Variants in POLN observed in about 807,000 individuals in gnomAD.
POLN encodes the protein DNA polymerase N.
Under a neutral mutation model 113.5 loss-of-function variants are expected in POLN, and 108 were observed. That is an observed-to-expected ratio of 0.95 (90% confidence interval 0.81 to 1.12). The LOEUF (loss-of-function observed/expected upper bound fraction) is 1.12, where lower values mean the gene tolerates loss of function less well. POLN is among the 50% of genes most tolerant of loss of function. The pLI, the probability that POLN is intolerant of heterozygous loss-of-function variation, is 0.00. For missense variants in POLN, 1,097 were observed against 1,077.1 expected, an observed-to-expected ratio of 1.02 and a Z score of -0.26; for synonymous variants, 386 against 391.5, an observed-to-expected ratio of 0.99 and a Z score of 0.17.
At chr4:2,119,726 A>G (rs1731398676) in intron 19 of POLN, among the ~76,000 whole-genome samples, 1 of 152,166 alleles carries the variant, frequency 6.6e-6, no homozygotes, top group African/African-American at 2.4e-5. Flanking sequence ...TTAAGAGTGT[A>G]TTTGATCTTG....
At chr4:2,138,836 G>A (rs1049429386) in intron 16 of POLN, among the ~76,000 whole-genome samples, 2 of 151,984 alleles carry the variant, frequency 1.3e-5, no homozygotes, top group Non-Finnish European at 2.9e-5. Context: ...AGAGGTTACA[G>A]TGAGCCAAGA....
At chr4:2,115,038 T>C (rs1731282613) in intron 19 of POLN, among the ~76,000 whole-genome samples, 1 of 151,326 alleles carries the variant, frequency 6.6e-6, no homozygotes, top group Admixed American at 6.6e-5. Flanking sequence ...GCTGATCTAA[T>C]GGGTTCTTTA....
At chr4:2,115,972 G>A (rs1156774638) in intron 19 of POLN, among the ~76,000 whole-genome samples, 1 of 152,224 alleles carries the variant, frequency 6.6e-6, no homozygotes, top group Non-Finnish European at 1.5e-5. Flanking sequence ...CCAGCTGCCA[G>A]CTTTTCGGGT....
chr4:2,155,636 C>A (rs1422698195), intron 16 of POLN, among the ~76,000 whole-genome samples: 1 of 152,090 alleles, frequency 6.6e-6, no homozygotes, highest in African/African-American at 2.4e-5. Flanking sequence ...TGTAAACCTC[C>A]ACATACTTGT....
chr4:2,221,210 T>TC (rs1734245252), intron 3 of POLN, among the ~76,000 whole-genome samples: 1 of 152,236 alleles, frequency 6.6e-6, no homozygotes, highest in Non-Finnish European at 1.5e-5. Flanking sequence ...CAATCTCAGC[T>TC]CCCTGCAACC....
intron 19 of POLN, among the ~76,000 whole-genome samples, chr4:2,097,229 C>G (rs1470068393): frequency 6.6e-6 from 1 of 152,170 alleles, no homozygotes; most frequent in Non-Finnish European, 1.5e-5. Context: ...ATACCCACTT[C>G]TTTTCGAGTA....
intron 13 of POLN, among the ~76,000 whole-genome samples, chr4:2,161,572 G>A (rs577461397): frequency 3.1e-4 from 47 of 152,200 alleles, no homozygotes; most frequent in Non-Finnish European, 5.4e-4. Context: ...GCTCCTGTGC[G>A]GCTGGAGCCT....
chr4:2,174,133 C>A, intron 10 of POLN, 114 bp from the exon 11 acceptor site: 1 of 972,170 alleles, frequency 1.0e-6, no homozygotes, highest in South Asian at 1.3e-5. Flanking sequence ...GCCATTTACT[C>A]AGCACCTGCT....
At chr4:2,130,299 G>C (rs1318166256) in intron 17 of POLN, among the ~76,000 whole-genome samples, 11 of 147,590 alleles carry the variant, frequency 7.5e-5, no homozygotes, top group Admixed American at 7.4e-4. Context: ...GGAGAGGGGA[G>C]GGGAGGGGAG....
At chr4:2,195,022 A>G (rs546287532) in intron 6 of POLN, among the ~76,000 whole-genome samples, 1 of 152,262 alleles carries the variant, frequency 6.6e-6, no homozygotes, top group South Asian at 2.1e-4. Context: ...GGTATAACAA[A>G]CGTACAGAGA....
In POLN at chr4:2,188,327, G is replaced by A. The variant is rs377626606; in HGVS notation, c.1021+4877C>T. 1.1e-4 allele frequency among the ~76,000 whole-genome samples: 16 copies of A among 152,258 alleles called. No homozygotes were observed. The East Asian group carries it at 1.4e-3, about 13-fold the overall frequency. On this transcript the variant is annotated intron_variant, in intron 7 of 25. Coordinates refer to ENST00000511885, the MANE Select transcript of POLN (RefSeq NM_181808.4). Reference sequence around the variant, plus strand: ...TGAAAGAAAAAAACACGGGCCGGGCGCAGTGGCTCACGCCTGTAATCCCAG... The same window carrying A: ...TGAAAGAAAAAAACACGGGCCGGGCACAGTGGCTCACGCCTGTAATCCCAG...
At position 2,194,839 on chromosome 4, in the gene POLN, A is replaced by G. The variant is rs1272795014; in HGVS notation, c.909-1523T>C. ...TTGAGCCTGGGAGGTTGAGGCTGCAATGAGTCATGATCACAACCACTGCAC... is the reference window on the plus strand; with the variant it reads ...TTGAGCCTGGGAGGTTGAGGCTGCAGTGAGTCATGATCACAACCACTGCAC... On this transcript the variant is annotated intron_variant, in intron 6 of 25. Transcript: ENST00000511885. 2.0e-5 allele frequency among the ~76,000 whole-genome samples: 3 copies of G among 152,152 alleles called. 1 individual carries two copies. Among genetic ancestry groups the G allele is most frequent in the South Asian group, 2.1e-4 (1 of 4,820 alleles).
chr4:2,081,771 A>C, intron 21 of POLN, 28 bp from the exon 22 acceptor site: 2 of 1,600,386 alleles, frequency 1.2e-6, no homozygotes, highest in Non-Finnish European at 1.7e-6. Flanking sequence ...AAAGTAGATG[A>C]GGGACAGAAA....
intron 19 of POLN, among the ~76,000 whole-genome samples, chr4:2,123,111 T>C (rs893177037): frequency 1.3e-5 from 2 of 151,850 alleles, no homozygotes; most frequent in Non-Finnish European, 2.9e-5. Flanking sequence ...CAGTGAGCTG[T>C]GAGTGGGAGT....
intron 5 of POLN, among the ~76,000 whole-genome samples, chr4:2,202,356 C>T (rs888794812): frequency 1.5e-4 from 23 of 152,138 alleles, no homozygotes; most frequent in African/African-American, 5.6e-4. Flanking sequence ...AAAGACATTC[C>T]ATGCAAAGGG....
intron 9 of POLN, among the ~76,000 whole-genome samples, chr4:2,175,459 C>T (rs1482770105): frequency 4.6e-5 from 7 of 152,168 alleles, no homozygotes; most frequent in African/African-American, 1.7e-4. Context: ...TTACTGAATT[C>T]CCAAAATTTA....
intron 23 of POLN, among the ~76,000 whole-genome samples, chr4:2,077,394 C>T (rs1397603037): frequency 2.0e-5 from 3 of 152,222 alleles, no homozygotes; most frequent in Admixed American, 6.5e-5. Context: ...CAGGACACTA[C>T]GTGGGCCCAG....
chr4:2,184,911 C>G (rs1733233500), intron 7 of POLN, among the ~76,000 whole-genome samples: 2 of 152,072 alleles, frequency 1.3e-5, no homozygotes, highest in African/African-American at 4.8e-5. Flanking sequence ...TTTTTGATCA[C>G]CTTTTGGTGA....
At chr4:2,116,995 G>A (rs779901299) in intron 19 of POLN, among the ~76,000 whole-genome samples, 4 of 152,170 alleles carry the variant, frequency 2.6e-5, no homozygotes, top group Admixed American at 6.5e-5. Context: ...TGTGCTATAC[G>A]GTAAGGACAG....
Sources: gnomAD v4.1 joint callset for allele counts (sites outside exome capture counted in the v4.1 genomes callset) on GRCh38, gnomAD v4.1.1 for gene constraint, MANE v1.5 for transcripts, NCBI Gene and HGNC (gene_info 2026-07-23, HGNC 2026-07-21) for gene names.